The following PCSK5 variants were observed in gnomAD, a reference collection of about 807,000 sequenced individuals.
PCSK5 encodes prohormone convertase 5.
PCSK5 carries 129 observed loss-of-function variants against 233.2 expected under a neutral mutation model. The ratio of observed to expected loss-of-function variants is 0.55; its 90% CI spans 0.48 to 0.64. The LOEUF is 0.64. Among genes scored for constraint, PCSK5 ranks in the 30% least tolerant of loss-of-function variants. The pLI is 0.00. For missense variants in PCSK5, 2,076 were observed against 2,430.1 expected (o/e 0.85, Z 3.06); for synonymous variants, 825 against 879.2 (o/e 0.94, Z 1.09).
chr9:76,343,819 A>G (rs1160521868), intron 35 of PCSK5, among the ~76,000 whole-genome samples: 1 of 152,160 alleles, frequency 6.6e-6, no homozygotes, highest in Non-Finnish European at 1.5e-5. Context: ...ATGTTCTACA[A>G]CTGTGAACAA....
intron 24 of PCSK5, among the ~76,000 whole-genome samples, chr9:76,258,008 G>A (rs539091758): frequency 3.5e-4 from 53 of 152,268 alleles, no homozygotes; most frequent in African/African-American, 1.3e-3. Context: ...GAACCAGGCA[G>A]GTAACCCAAG....
chr9:76,253,680 AGGC>A (rs1263925606), intron 24 of PCSK5, among the ~76,000 whole-genome samples: 2 of 152,248 alleles, frequency 1.3e-5, no homozygotes, highest in Non-Finnish European at 2.9e-5. Flanking sequence ...AAGCATCACC[AGGC>A]TACACGCTTA....
chr9:76,296,089 G>T (rs1828429031), intron 26 of PCSK5, among the ~76,000 whole-genome samples: 1 of 152,090 alleles, frequency 6.6e-6, no homozygotes, highest in African/African-American at 2.4e-5. Flanking sequence ...GTAAAGTGTT[G>T]GATTTTTTTA....
At chr9:75,957,516 C>T (rs910080484) in intron 2 of PCSK5, among the ~76,000 whole-genome samples, 2 of 152,104 alleles carry the variant, frequency 1.3e-5, no homozygotes, top group Non-Finnish European at 2.9e-5. Flanking sequence ...AAAAAAAAAT[C>T]TTCCTCCAAT....
chr9:76,248,538 C>T (rs751803230), intron 24 of PCSK5, among the ~76,000 whole-genome samples: 15 of 152,134 alleles, frequency 9.9e-5, no homozygotes, highest in African/African-American at 3.6e-4. Flanking sequence ...AGTATATGAA[C>T]CCAAAGGAGA....
intron 2 of PCSK5, among the ~76,000 whole-genome samples, chr9:75,953,507 A>G (rs925188668): frequency 1.3e-5 from 2 of 152,184 alleles, no homozygotes; most frequent in Admixed American, 6.6e-5. Flanking sequence ...TGTTTTGGCC[A>G]GGAATCTGGT....
intron 1 of PCSK5, among the ~76,000 whole-genome samples, chr9:75,916,024 A>G (rs1822972878): frequency 6.6e-6 from 1 of 152,216 alleles, no homozygotes; most frequent in South Asian, 2.1e-4. Context: ...TATATTTAAG[A>G]CTAAGCAAGC....
intron 11 of PCSK5, among the ~76,000 whole-genome samples, chr9:76,157,695 C>G (rs1278332096): frequency 2.0e-5 from 3 of 151,996 alleles, no homozygotes; most frequent in Non-Finnish European, 4.4e-5. Context: ...AGACTTTTCT[C>G]TCTGAAAAAT....
At chr9:75,938,228 A>G (rs1824146625) in intron 2 of PCSK5, among the ~76,000 whole-genome samples, 1 of 152,118 alleles carries the variant, frequency 6.6e-6, no homozygotes, top group Admixed American at 6.6e-5. Context: ...GAACACTTAG[A>G]GGCCATTGTA....
At chr9:76,059,792 G>A (rs1026607824) in intron 5 of PCSK5, among the ~76,000 whole-genome samples, 6 of 151,952 alleles carry the variant, frequency 3.9e-5, no homozygotes, top group Non-Finnish European at 8.8e-5. Context: ...AATTATAAAT[G>A]TTTCAAATTT....
chr9:76,108,088 T>C (rs1832051060), intron 9 of PCSK5, among the ~76,000 whole-genome samples: 1 of 152,230 alleles, frequency 6.6e-6, no homozygotes, highest in Admixed American at 6.5e-5. Flanking sequence ...TTTGAGGCTA[T>C]TTACAGTATT....
At chr9:76,205,382 A>G (rs1334116785) in intron 20 of PCSK5, among the ~76,000 whole-genome samples, 1 of 152,186 alleles carries the variant, frequency 6.6e-6, no homozygotes. Flanking sequence ...GGCTGGGGCA[A>G]CTTGACCTCA....
intron 29 of PCSK5, among the ~76,000 whole-genome samples, chr9:76,309,590 GA>G (rs937417104): frequency 4.4e-4 from 67 of 152,080 alleles, no homozygotes; most frequent in African/African-American, 1.6e-3. Flanking sequence ...GGCTACGTGG[GA>G]GGCTGAGACA....
chr9:76,221,317 T>A (rs1825721733), intron 20 of PCSK5, among the ~76,000 whole-genome samples: 1 of 152,222 alleles, frequency 6.6e-6, no homozygotes, highest in Non-Finnish European at 1.5e-5. Context: ...TGTACTCAGT[T>A]CTTTCTTTTT....
At chr9:76,083,624 T>C (rs1830941740) in intron 7 of PCSK5, among the ~76,000 whole-genome samples, 1 of 152,234 alleles carries the variant, frequency 6.6e-6, no homozygotes, top group African/African-American at 2.4e-5. Flanking sequence ...TATGTCTGTT[T>C]AGTCTCTTAG....
chr9:76,184,127 CA>C (rs972396882), intron 16 of PCSK5, among the ~76,000 whole-genome samples: 2 of 152,152 alleles, frequency 1.3e-5, no homozygotes, highest in Non-Finnish European at 2.9e-5. Flanking sequence ...AAGTGCAAGA[CA>C]CTAAAATAGT....
At chr9:76,287,720 A>C (rs981432594) in intron 24 of PCSK5, 2 of 155,330 alleles carry the variant, frequency 1.3e-5, no homozygotes, top group Non-Finnish European at 2.9e-5. Context: ...CAGCCTCCCA[A>C]AGTGCTGGGA....
At chr9:76,299,227 A>G (rs893261273) in intron 27 of PCSK5, among the ~76,000 whole-genome samples, 1 of 152,168 alleles carries the variant, frequency 6.6e-6, no homozygotes, top group South Asian at 2.1e-4. Context: ...TCCAGCTAAG[A>G]CTAAGTAATC....
chr9:76,266,938 G>C (rs1212654785), intron 24 of PCSK5, among the ~76,000 whole-genome samples: 1 of 152,114 alleles, frequency 6.6e-6, no homozygotes, highest in East Asian at 1.9e-4. Context: ...AAAAAAAATA[G>C]ACTGCACAGA....
Sources: allele counts gnomAD v4.1 joint callset (sites outside exome capture counted in the v4.1 genomes callset), GRCh38; gene constraint gnomAD v4.1.1; transcripts MANE v1.5; gene names NCBI Gene and HGNC (gene_info 2026-07-23, HGNC 2026-07-21).